Variants in CREB5 observed in about 807,000 individuals in gnomAD.
CREB5 encodes the protein cAMP responsive element binding protein 5, also known as cyclic AMP-responsive element-binding protein 5.
Under a neutral mutation model 57.1 loss-of-function variants are expected in CREB5, and 19 were observed. The observed-to-expected ratio is 0.33, with a 90% CI of 0.23 to 0.49. CREB5 has a LOEUF of 0.49. CREB5 is among the 20% of genes least tolerant of loss of function. The probability of loss-of-function intolerance (pLI) is 0.99; values close to 1 mark genes in which losing one functional copy is unlikely to be tolerated. For missense variants in CREB5, 579 were observed against 671.6 expected, an observed-to-expected ratio of 0.86 and a Z score of 1.52; for synonymous variants, 238 against 238.3, an observed-to-expected ratio of 1.00 and a Z score of 0.01.
At chr7:28,688,487 A>G (rs1370472638) in intron 5 of CREB5, among the ~76,000 whole-genome samples, 1 of 152,170 alleles carries the variant, frequency 6.6e-6, no homozygotes, top group East Asian at 1.9e-4. Context: ...TTTAACATAA[A>G]CTCAAGTTTT....
intron 3 of CREB5, among the ~76,000 whole-genome samples, chr7:28,499,355 GGA>G (rs1237788561): frequency 1.3e-5 from 2 of 152,098 alleles, no homozygotes; most frequent in African/African-American, 4.8e-5. Flanking sequence ...TCTTTACTGT[GGA>G]GAGAGGTTGA....
At chr7:28,438,367 G>A (rs891247367) in intron 1 of CREB5, among the ~76,000 whole-genome samples, 11 of 152,090 alleles carry the variant, frequency 7.2e-5, no homozygotes, top group Non-Finnish European at 1.6e-4. Context: ...CTGTCAAAGG[G>A]GGGTGTCGGG....
intron 7 of CREB5, among the ~76,000 whole-genome samples, chr7:28,764,447 C>A (rs1227594728): frequency 1.3e-5 from 2 of 151,730 alleles, no homozygotes; most frequent in East Asian, 1.9e-4. Flanking sequence ...CTTTGCCAAG[C>A]TATAAAATTC....
In CREB5 at chr7:28,488,191, A is replaced by G. The variant is rs562749374; in HGVS notation, c.20A>G (p.Lys7Arg). Residue 7 changes from lysine (K) to arginine (R), a missense_variant, in exon 2 of 11, where the codon AAG (lysine) becomes AGG (arginine). Lys to Arg is a conservative substitution (Grantham distance 26). Around this residue, in one of 3 missense-constraint regions of CREB5, gnomAD observed 459 missense variants for 515.7 expected, o/e 0.89. Transcript: ENST00000357727. The part of the protein sequence containing the change: MIYEES[K>R]MNLEQERPFV... ...ATCCTTCAGATTTATGAGGAATCCA[A>G]GATGAATTTGGAGCAGGAGAGGCCG... 1.9e-6 allele frequency: 3 copies of G among 1,613,918 alleles called. No homozygotes were observed. Among genetic ancestry groups the G allele is most frequent in the Admixed American group, 3.3e-5 (2 of 60,008 alleles).
chr7:28,397,335 G>A (rs961186025), intron 1 of CREB5, among the ~76,000 whole-genome samples: 1 of 152,178 alleles, frequency 6.6e-6, no homozygotes, highest in African/African-American at 2.4e-5. Flanking sequence ...TATTCCAGAA[G>A]GATCTATTTG....
At chr7:28,721,486 G>A (rs768501367) in intron 6 of CREB5, among the ~76,000 whole-genome samples, 1 of 152,114 alleles carries the variant, frequency 6.6e-6, no homozygotes, top group Non-Finnish European at 1.5e-5. Context: ...CTGGTCACAG[G>A]GGAGACGCTT....
intron 5 of CREB5, among the ~76,000 whole-genome samples, chr7:28,636,612 A>G (rs1187705437): frequency 2.6e-5 from 4 of 152,164 alleles, no homozygotes; most frequent in African/African-American, 9.6e-5. Context: ...TGCCTATGAC[A>G]TCCCCAATTA....
chr7:28,373,068 C>G (rs1323142061), intron 1 of CREB5, among the ~76,000 whole-genome samples: 1 of 152,160 alleles, frequency 6.6e-6, no homozygotes, highest in Non-Finnish European at 1.5e-5. Flanking sequence ...GGTTTCCTCA[C>G]CTGTTAAATG....
chr7:28,657,169 A>C (rs1321282882), intron 5 of CREB5, among the ~76,000 whole-genome samples: 1 of 152,196 alleles, frequency 6.6e-6, no homozygotes, highest in Non-Finnish European at 1.5e-5. Context: ...GGCCATAAGT[A>C]CATGGTGGAT....
In CREB5 at chr7:28,804,500, T is replaced by C. The variant is rs1056660858; in HGVS notation, c.1004T>C (p.Leu335Pro). 1.2e-6 allele frequency: 2 copies of C among 1,613,860 alleles called. No individual in the cohort carries two copies. The highest frequency in any genetic ancestry group is 2.7e-5 in the African/African-American group (2 of 74,898). ...AHHQTSPHPP[L>P]HTGNQAQVSP... The stretch of plus-strand genomic sequence containing the variant: ...CACCAGACCTCGCCACATCCGCCCC[T>C]GCACACCGGCAACCAAGCACAGGTA... Residue 335 changes from leucine to proline, a missense_variant, in exon 8 of 11, where the codon CTG becomes CCG. By Grantham distance (98) the Leu-to-Pro change is moderately conservative (BLOSUM62 -3). Coordinates refer to ENST00000357727, the MANE Select transcript of CREB5 (RefSeq NM_182898.4).
rs367870411 is a variant in CREB5, at chr7:28,573,114, A to C, written c.464+2577A>C. Among the ~76,000 whole-genome samples the C allele has an allele frequency of 6.0e-4, 92 of 152,272 alleles. 1 individual carries two copies. The highest frequency in any genetic ancestry group is 2.1e-3 in the African/African-American group (87 of 41,554). ...ATAACCCAACCCATCTCACCAGTGG[A>C]TTCAGTATGAAACTCTAGGTGGTAA... On this transcript the variant is annotated intron_variant, in intron 5 of 10. Coordinates refer to ENST00000357727, the MANE Select transcript of CREB5 (RefSeq NM_182898.4).
rs1358497874 is a variant in CREB5 at position 28,823,546 on chromosome 7, CTG to C, written c.*4270_*4271del. On this transcript the variant is annotated 3_prime_UTR_variant, in exon 11 of 11. Transcript: ENST00000357727. ...AGACATTTCAAGGATTTTTATTGCT[CTG>C]TGAGTTATTTTTTAATCAACATTCT... 1 of 152,452 alleles carries C rather than the reference CTG, an allele frequency of 6.6e-6. No individual in the cohort carries two copies. Among genetic ancestry groups the C allele is most frequent in the East Asian group, 1.9e-4 (1 of 5,200 alleles). 9.4% of individuals were successfully genotyped at this position (152,452 alleles called of 1,614,324 possible).
chr7:28,325,649 G>A (rs945102635), intron 1 of CREB5, among the ~76,000 whole-genome samples: 1 of 151,964 alleles, frequency 6.6e-6, no homozygotes, highest in African/African-American at 2.4e-5. Context: ...CCTTTTCTTT[G>A]TTCCTCTAAT....
At chr7:28,563,312 T>C (rs1795349733) in intron 4 of CREB5, among the ~76,000 whole-genome samples, 1 of 152,200 alleles carries the variant, frequency 6.6e-6, no homozygotes, top group South Asian at 2.1e-4. Context: ...TCTCACATGA[T>C]TCTGATGCTA....
intron 4 of CREB5, among the ~76,000 whole-genome samples, chr7:28,544,398 C>T (rs765597639): frequency 6.6e-6 from 1 of 152,162 alleles, no homozygotes; most frequent in Non-Finnish European, 1.5e-5. Context: ...AACCTGCCTT[C>T]CAAAGCCCTG....
chr7:28,578,933 TC>T (rs1360387376), intron 5 of CREB5, among the ~76,000 whole-genome samples: 2 of 152,208 alleles, frequency 1.3e-5, no homozygotes, highest in Non-Finnish European at 2.9e-5. Flanking sequence ...TCCAATTTGA[TC>T]TCAAATTTTG....
At chr7:28,571,353 C>T (rs1222666294) in intron 5 of CREB5, among the ~76,000 whole-genome samples, 4 of 152,184 alleles carry the variant, frequency 2.6e-5, no homozygotes, top group Admixed American at 6.5e-5. Context: ...GCTTATTCTT[C>T]CCTGCTTCTC....
In CREB5 at chr7:28,554,682, G is replaced by C. The variant is rs752128000; in HGVS notation, c.292-15683G>C. On this transcript the variant is annotated intron_variant, in intron 4 of 10. Transcript: ENST00000357727. ...GACACTGTGCCTGGAGGCAGGACAGGGTCCCTTTCCATTCCACCCTGCTAT... is the reference window on the plus strand; with the variant it reads ...GACACTGTGCCTGGAGGCAGGACAGCGTCCCTTTCCATTCCACCCTGCTAT... Among the ~76,000 whole-genome samples, 55 of 152,330 alleles carry C rather than the reference G, an allele frequency of 3.6e-4. 1 individual carries two copies. The highest frequency in any genetic ancestry group is 5.9e-4 in the Non-Finnish European group (40 of 68,024).
At position 28,819,298 on chromosome 7, in the gene CREB5, GC is replaced by G. The variant is rs1015308684; in HGVS notation, c.*21del. 1 of 1,609,820 alleles carries G rather than the reference GC, an allele frequency of 6.2e-7. No homozygotes were observed. The highest frequency in any genetic ancestry group is 1.3e-5 in the African/African-American group (1 of 74,872). ...TCTTTAAAATGCACCATCAGACCTGGCCTCCAAGAAGAGCTGTAGCGTACCA... is the reference window on the plus strand; with the variant it reads ...TCTTTAAAATGCACCATCAGACCTGGCTCCAAGAAGAGCTGTAGCGTACCA... On this transcript the variant is annotated 3_prime_UTR_variant, in exon 11 of 11. Coordinates refer to ENST00000357727, the MANE Select transcript of CREB5 (RefSeq NM_182898.4).
Sources: gnomAD v4.1 joint callset for allele counts (sites outside exome capture counted in the v4.1 genomes callset) on GRCh38, gnomAD v4.1.1 for gene constraint, gnomAD v4.1.1 regional missense constraint, MANE v1.5 for transcripts, NCBI Gene and HGNC (gene_info 2026-07-23, HGNC 2026-07-21) for gene names.